CSMD1: variants seen among roughly 807,000 people sequenced by gnomAD.
CSMD1 encodes the protein CUB and sushi domain-containing protein 1.
In CSMD1, 213 loss-of-function variants were observed where a neutral mutation model predicts 417.5. The observed-to-expected ratio is 0.51, with a 90% CI of 0.46 to 0.57. CSMD1 has a LOEUF of 0.57. Among genes scored for constraint, CSMD1 ranks in the 20% least tolerant of loss-of-function variants. CSMD1 has a pLI of 0.00. For missense variants in CSMD1, 6,923 were observed against 4,529.7 expected, an observed-to-expected ratio of 1.53 and a Z score of -15.17; for synonymous variants, 2,862 against 1,736.8, an observed-to-expected ratio of 1.65 and a Z score of -16.11.
At chr8:4,518,968 A>G (rs535916306) in intron 2 of CSMD1, among the ~76,000 whole-genome samples, 17 of 152,232 alleles carry the variant, frequency 1.1e-4, no homozygotes, top group South Asian at 6.2e-4. Context: ...TTTTAATTGC[A>G]AAGAGACTCC....
rs947165920 is a variant in CSMD1 at position 4,407,902 on chromosome 8, A to T, written c.415+12051T>A. Among the ~76,000 whole-genome samples the T allele has an allele frequency of 2.0e-5, 3 of 152,180 alleles. No individual in the cohort carries two copies. In the East Asian group the frequency reaches 5.8e-4, roughly 29 times the overall value. On this transcript the variant is annotated intron_variant, in intron 3 of 69. Transcript: ENST00000635120. ...ATTTATGAGTTAAGATGGATAACAC[A>T]TCCAAAGCTGAAACGTGTTCAGCAT...
At chr8:3,594,813 G>A (rs1016979632) in intron 8 of CSMD1, among the ~76,000 whole-genome samples, 4 of 152,146 alleles carry the variant, frequency 2.6e-5, no homozygotes, top group African/African-American at 4.8e-5. Flanking sequence ...AGGGAACCGC[G>A]GTGTGTCATT....
chr8:4,074,934 T>C (rs1440163919), intron 3 of CSMD1, among the ~76,000 whole-genome samples: 1 of 152,138 alleles, frequency 6.6e-6, no homozygotes, highest in African/African-American at 2.4e-5. Flanking sequence ...ACACTTTGAA[T>C]TTATTTATAT....
intron 5 of CSMD1, among the ~76,000 whole-genome samples, chr8:3,993,193 A>G (rs1055920946): frequency 5.9e-5 from 9 of 152,228 alleles, no homozygotes; most frequent in African/African-American, 2.2e-4. Context: ...TTTAGGATAT[A>G]CAGCAACTCT....
intron 1 of CSMD1, among the ~76,000 whole-genome samples, chr8:4,882,247 G>C (rs1041654545): frequency 2.6e-5 from 4 of 151,856 alleles, no homozygotes; most frequent in African/African-American, 9.7e-5. Flanking sequence ...TACGTGCCCT[G>C]AGGGTGGATG....
At chr8:4,165,143 T>C (rs1245788395) in intron 3 of CSMD1, among the ~76,000 whole-genome samples, 1 of 152,150 alleles carries the variant, frequency 6.6e-6, no homozygotes, top group Non-Finnish European at 1.5e-5. Flanking sequence ...GTATCTATAT[T>C]TCAGCCTCCA....
At chr8:3,832,529 T>C (rs1054238773) in intron 5 of CSMD1, among the ~76,000 whole-genome samples, 1 of 152,196 alleles carries the variant, frequency 6.6e-6, no homozygotes, top group Admixed American at 6.5e-5. Context: ...TTTAAACTAT[T>C]TTTGTCTTAT....
Position 3,447,428 on chromosome 8 carries a change from G to T in CSMD1, c.1561+21284C>A, listed in dbSNP as rs552166825. 2.6e-3 allele frequency among the ~76,000 whole-genome samples: 390 copies of T among 152,294 alleles called. 1 individual carries two copies. Among genetic ancestry groups the T allele is most frequent in the African/African-American group, 8.3e-3 (345 of 41,556 alleles). ...ACCCAAAGATAAACCACTTTAGGAG[G>T]TATTTTTAGATAAAGTGGAAAATGA... On this transcript the variant is annotated intron_variant, in intron 12 of 69. Transcript: ENST00000635120.
chr8:4,386,392 C>T (rs572620032), intron 3 of CSMD1, among the ~76,000 whole-genome samples: 1 of 152,312 alleles, frequency 6.6e-6, no homozygotes, highest in Admixed American at 6.5e-5. Context: ...TCCTAAGTTC[C>T]ATCCCCGGTT....
chr8:4,346,107 G>A (rs1211423927), intron 3 of CSMD1, among the ~76,000 whole-genome samples: 1 of 152,078 alleles, frequency 6.6e-6, no homozygotes, highest in South Asian at 2.1e-4. Flanking sequence ...GAAATCTTCA[G>A]CATTAGAAAG....
At chr8:4,169,162 C>G (rs1484329026) in intron 3 of CSMD1, among the ~76,000 whole-genome samples, 2 of 152,172 alleles carry the variant, frequency 1.3e-5, no homozygotes, top group Non-Finnish European at 2.9e-5. Context: ...GGTGTAAACA[C>G]CGTCTCTACG....
chr8:3,670,007 A>G (rs1798904448), intron 7 of CSMD1, among the ~76,000 whole-genome samples: 1 of 152,182 alleles, frequency 6.6e-6, no homozygotes, highest in Non-Finnish European at 1.5e-5. Flanking sequence ...ATACATTTCT[A>G]AATAAGTTAT....
At chr8:4,317,558 G>T (rs916013256) in intron 3 of CSMD1, among the ~76,000 whole-genome samples, 1 of 152,150 alleles carries the variant, frequency 6.6e-6, no homozygotes, top group South Asian at 2.1e-4. Context: ...TAGATTTAAA[G>T]TGTCCAAGTT....
At chr8:3,520,039 T>TACATATATATATAC (rs1797442313) in intron 10 of CSMD1, among the ~76,000 whole-genome samples, 1 of 147,110 alleles carries the variant, frequency 6.8e-6, no homozygotes, top group Admixed American at 6.8e-5. Context: ...TATATATATA[T>TACATATATATATAC]ACACGTATAG....
intron 5 of CSMD1, among the ~76,000 whole-genome samples, chr8:3,806,507 A>G (rs926496742): frequency 6.6e-6 from 1 of 152,178 alleles, no homozygotes; most frequent in Non-Finnish European, 1.5e-5. Context: ...ACACAGAGCC[A>G]CGGTGCTCTG....
intron 3 of CSMD1, among the ~76,000 whole-genome samples, chr8:4,278,509 T>C (rs1451089671): frequency 6.6e-6 from 1 of 152,214 alleles, no homozygotes; most frequent in Non-Finnish European, 1.5e-5. Flanking sequence ...ACAAAAGTAA[T>C]TGTGAGTTTT....
chr8:4,015,024 CTAAGACTGATTTTTTTGAA>C (rs1796454106), intron 4 of CSMD1, among the ~76,000 whole-genome samples: 1 of 152,114 alleles, frequency 6.6e-6, no homozygotes, highest in Non-Finnish European at 1.5e-5. Context: ...TTACTAGAAT[CTAAGACTGATTTTTTTGAA>C]CAGTTTTAAT....
chr8:3,737,967 T>C (rs1040947622), intron 6 of CSMD1, among the ~76,000 whole-genome samples: 1 of 152,182 alleles, frequency 6.6e-6, no homozygotes, highest in Non-Finnish European at 1.5e-5. Context: ...ACAACTAAAT[T>C]ACTTGTAATA....
intron 8 of CSMD1, among the ~76,000 whole-genome samples, chr8:3,602,716 T>TACACACACACACACACAC (rs34593924): frequency 6.8e-6 from 1 of 146,612 alleles, no homozygotes; most frequent in African/African-American, 2.5e-5. Context: ...CAGGAAGAAT[T>TACACACACACACACACAC]ACACACACAC....
Sources: allele counts gnomAD v4.1 joint callset (sites outside exome capture counted in the v4.1 genomes callset), GRCh38; gene constraint gnomAD v4.1.1; transcripts MANE v1.5; gene names NCBI Gene and HGNC (gene_info 2026-07-23, HGNC 2026-07-21).